ATP8A2: variants seen among roughly 807,000 people sequenced by gnomAD.
ATP8A2 encodes the protein ATPase phospholipid transporting 8A2.
A neutral mutation model predicts 165.6 loss-of-function variants in ATP8A2; 100 were observed. The observed-to-expected ratio is 0.60, with a 90% CI of 0.51 to 0.71. The LOEUF is 0.71. ATP8A2 is among the 30% of genes least tolerant of loss of function. The pLI is 0.00. For missense variants in ATP8A2, 1,227 were observed against 1,479.5 expected (o/e 0.83, Z 2.80); for synonymous variants, 543 against 548.8 (o/e 0.99, Z 0.15).
intron 1 of ATP8A2, among the ~76,000 whole-genome samples, chr13:25,391,088 A>G (rs1219706115): frequency 6.6e-6 from 1 of 152,218 alleles, no homozygotes; most frequent in African/African-American, 2.4e-5. Context: ...TTAAATGGTC[A>G]GGAGAGAGGG....
In ATP8A2 at chr13:25,508,123, CA is replaced by C. The variant is rs544866439; in HGVS notation, c.222-21873del. 1.5e-4 allele frequency among the ~76,000 whole-genome samples: 23 copies of C among 152,214 alleles called. No individual in the cohort carries two copies. In the East Asian group the frequency reaches 4.4e-3, roughly 29 times the overall value. Reference sequence around the variant, plus strand: ...TCTGTTGCTGGCAGGAATATGCATGCAAATAATACACCAACACATTGCTGGT... The same window carrying C: ...TCTGTTGCTGGCAGGAATATGCATGCAATAATACACCAACACATTGCTGGT... On this transcript the variant is annotated intron_variant, in intron 2 of 36. Transcript: ENST00000381655.
chr13:25,901,666 A>C (rs1953750424), intron 33 of ATP8A2, among the ~76,000 whole-genome samples: 1 of 152,186 alleles, frequency 6.6e-6, no homozygotes, highest in African/African-American at 2.4e-5. Flanking sequence ...ACATGCTTAA[A>C]ATTGGCGCTG....
intron 1 of ATP8A2, among the ~76,000 whole-genome samples, chr13:25,383,054 CT>C (rs1171816611): frequency 7.2e-6 from 1 of 139,440 alleles, no homozygotes; most frequent in Admixed American, 7.5e-5. Flanking sequence ...CACACCCAGC[CT>C]TTTCTTTTTG....
In ATP8A2 at chr13:25,653,302, G is replaced by C. The variant is rs1051328632; in HGVS notation, c.2212-45871G>C. Among the ~76,000 whole-genome samples the C allele has an allele frequency of 3.9e-5, 6 of 152,260 alleles. No individual in the cohort carries two copies. In the South Asian group the frequency reaches 1.0e-3, roughly 26 times the overall value. ...AAGAATGAGACCATGACCTTCGCAG[G>C]AACATGGGTGGAGCTGGAGTTATTA... On this transcript the variant is annotated intron_variant, in intron 24 of 36. Transcript: ENST00000381655.
intron 25 of ATP8A2, among the ~76,000 whole-genome samples, chr13:25,762,502 A>G (rs1194659556): frequency 6.6e-6 from 1 of 152,082 alleles, no homozygotes; most frequent in Non-Finnish European, 1.5e-5. Context: ...CATCCTCTCC[A>G]TCTGTGCATA....
At chr13:25,435,937 G>GTGTGTA (rs2034753967) in intron 1 of ATP8A2, among the ~76,000 whole-genome samples, 6 of 144,168 alleles carry the variant, frequency 4.2e-5, no homozygotes, top group Admixed American at 7.1e-5. Context: ...GTGTGAGTGT[G>GTGTGTA]TGTGTGTGTG....
chr13:25,947,402 G>A (rs1460635123), intron 33 of ATP8A2, among the ~76,000 whole-genome samples: 1 of 152,162 alleles, frequency 6.6e-6, no homozygotes, highest in African/African-American at 2.4e-5. Context: ...GTCAGGCCCT[G>A]TGGGTGACTG....
At chr13:25,907,361 A>T (rs1014761466) in intron 33 of ATP8A2, among the ~76,000 whole-genome samples, 2 of 142,190 alleles carry the variant, frequency 1.4e-5, no homozygotes, top group Non-Finnish European at 3.1e-5. Context: ...AAAAATAAAT[A>T]AAAAAATAAA....
intron 1 of ATP8A2, among the ~76,000 whole-genome samples, chr13:25,465,433 A>G (rs1401743379): frequency 6.6e-6 from 1 of 152,018 alleles, no homozygotes; most frequent in Non-Finnish European, 1.5e-5. Flanking sequence ...TAAGTGGGAG[A>G]TATTATTCCA....
chr13:25,405,676 C>A (rs1566108999), intron 1 of ATP8A2, among the ~76,000 whole-genome samples: 2 of 152,192 alleles, frequency 1.3e-5, no homozygotes, highest in South Asian at 2.1e-4. Flanking sequence ...CAGGGCCACA[C>A]CTTCTGGATC....
At chr13:25,944,305 G>A (rs1955149892) in intron 33 of ATP8A2, among the ~76,000 whole-genome samples, 1 of 152,210 alleles carries the variant, frequency 6.6e-6, no homozygotes, top group African/African-American at 2.4e-5. Flanking sequence ...TCAGGAGTTT[G>A]AGACCAGCCA....
chr13:25,638,133 T>C (rs1408993959), intron 24 of ATP8A2, among the ~76,000 whole-genome samples: 2 of 152,028 alleles, frequency 1.3e-5, no homozygotes, highest in African/African-American at 2.4e-5. Context: ...AGACCAAAGA[T>C]AGATAAAACC....
At chr13:25,465,889 T>C (rs1240774738) in intron 1 of ATP8A2, among the ~76,000 whole-genome samples, 2 of 151,252 alleles carry the variant, frequency 1.3e-5, no homozygotes, top group African/African-American at 4.9e-5. Flanking sequence ...CCTCCCAAAG[T>C]GTTGGGATTA....
At chr13:26,019,734 G>A (rs1484310585) in intron 36 of ATP8A2, among the ~76,000 whole-genome samples, 154 bp from the exon 37 acceptor site, 1 of 152,196 alleles carries the variant, frequency 6.6e-6, no homozygotes, top group Non-Finnish European at 1.5e-5. Context: ...TATGGCCACA[G>A]GTTTCTTCAT....
At chr13:25,632,203 G>A (rs556982657) in intron 24 of ATP8A2, among the ~76,000 whole-genome samples, 3 of 152,260 alleles carry the variant, frequency 2.0e-5, no homozygotes, top group Admixed American at 2.0e-4. Context: ...GAACCTGCAT[G>A]TGTTCAGCAA....
chr13:25,987,122 G>C (rs1490255543), intron 35 of ATP8A2, among the ~76,000 whole-genome samples: 3 of 152,124 alleles, frequency 2.0e-5, no homozygotes, highest in Admixed American at 6.5e-5. Flanking sequence ...TTTTTCCACT[G>C]GGAAAGGACG....
intron 10 of ATP8A2, among the ~76,000 whole-genome samples, chr13:25,549,420 A>T (rs981974165): frequency 6.7e-6 from 1 of 149,092 alleles, no homozygotes; most frequent in Non-Finnish European, 1.5e-5. Flanking sequence ...AGATCGCACC[A>T]CTGCACTCCA....
chr13:25,837,423 CCACACACACACACACACACA>C (rs72194516), intron 29 of ATP8A2, 138 bp downstream of exon 29: 47 of 311,592 alleles, frequency 1.5e-4, no homozygotes, highest in African/African-American at 4.6e-4. Flanking sequence ...CACCCCACCA[CCACACACACACACACACACA>C]CACACACACA....
In ATP8A2 at chr13:25,968,624, G is replaced by A. The variant is rs1203800772; in HGVS notation, c.3322G>A (p.Glu1108Lys). Reference protein sequence around the residue: ...KTLLEEVQELETKSRVLGKAV... With the variant: ...KTLLEEVQELKTKSRVLGKAV... ...ATTGCTGGAGGAGGTGCAGGAGCTG[G>A]AAACCAAGTCTCGAGTCCTGGGAAA... Residue 1108 changes from glutamate to lysine, a missense_variant, in exon 35 of 37, where the codon GAA (glutamate) becomes AAA (lysine). Around this residue, in one of 5 missense-constraint regions of ATP8A2, gnomAD observed 260 missense variants for 245.1 expected, o/e 1.06. Coordinates refer to ENST00000381655, the MANE Select transcript of ATP8A2 (RefSeq NM_016529.6). The A allele has an allele frequency of 1.2e-6, 2 of 1,613,958 alleles. No homozygotes were observed. The highest frequency in any genetic ancestry group is 2.2e-5 in the East Asian group (1 of 44,896).
Sources: gnomAD v4.1 joint callset for allele counts (sites outside exome capture counted in the v4.1 genomes callset) on GRCh38, gnomAD v4.1.1 for gene constraint, gnomAD v4.1.1 regional missense constraint, MANE v1.5 for transcripts, NCBI Gene and HGNC (gene_info 2026-07-23, HGNC 2026-07-21) for gene names.